The following TRPV1 variants were observed in gnomAD, a reference collection of about 807,000 sequenced individuals.
The protein encoded by TRPV1 is transient receptor potential cation channel subfamily V member 1.
A neutral mutation model predicts 82.3 loss-of-function variants in TRPV1; 82 were observed. The ratio of observed to expected loss-of-function variants is 1.00; its 90% CI spans 0.83 to 1.20. The LOEUF (loss-of-function observed/expected upper bound fraction) is 1.20, where lower values mean the gene tolerates loss of function less well. TRPV1 is among the 50% of genes most tolerant of loss of function. The pLI, the probability that TRPV1 is intolerant of heterozygous loss-of-function variation, is 0.00. For missense variants in TRPV1, 1,067 were observed against 1,096.8 expected (o/e 0.97, Z 0.38); for synonymous variants, 515 against 467.7 (o/e 1.10, Z -1.30).
chr17:3,601,120 C>T (rs1037615784), intron 2 of TRPV1, among the ~76,000 whole-genome samples: 2 of 152,124 alleles, frequency 1.3e-5, no homozygotes, highest in Non-Finnish European at 2.9e-5. Context: ...GCATCAACTT[C>T]CTTCTGGCCA....
intron 7 of TRPV1, among the ~76,000 whole-genome samples, chr17:3,589,293 G>A (rs1035003921): frequency 1.2e-4 from 17 of 145,240 alleles, no homozygotes; most frequent in African/African-American, 4.1e-4. Flanking sequence ...TGCCACCTCC[G>A]CCTCCCAAGT....
intron 2 of TRPV1, among the ~76,000 whole-genome samples, chr17:3,604,407 G>T (rs2150860522): frequency 6.6e-6 from 1 of 152,204 alleles, no homozygotes; most frequent in South Asian, 2.1e-4. Context: ...AGACCAGCCT[G>T]GCCAACATGG....
chr17:3,599,461 C>A (rs1191937364), intron 2 of TRPV1, among the ~76,000 whole-genome samples: 1 of 152,128 alleles, frequency 6.6e-6, no homozygotes, highest in East Asian at 1.9e-4. Flanking sequence ...CCCCTAACGA[C>A]CACCATTCAA....
chr17:3,581,362 C>T (rs896342529), intron 10 of TRPV1, among the ~76,000 whole-genome samples: 3 of 152,090 alleles, frequency 2.0e-5, no homozygotes, highest in African/African-American at 7.2e-5. Flanking sequence ...GAGTCCTGTC[C>T]AAGACACCAC....
At position 3,573,785 on chromosome 17, in the gene TRPV1, T is replaced by C. The variant is rs1310827736; in HGVS notation, c.1951A>G (p.Thr651Ala). 1 of 1,613,790 alleles carries C rather than the reference T, an allele frequency of 6.2e-7. No homozygotes were observed. Among genetic ancestry groups the C allele is most frequent in the African/African-American group, 1.3e-5 (1 of 74,870 alleles). ...FTIGMGDLEF[T>A]ENYDFKAVFI... Reference sequence around the variant, plus strand: ...ACAGCCTTGAAGTCATAGTTCTCAGTGAACTCCAGGTCGCCCATGCCGATG... The same window carrying C: ...ACAGCCTTGAAGTCATAGTTCTCAGCGAACTCCAGGTCGCCCATGCCGATG... Residue 651 changes from threonine to alanine, a missense_variant, in exon 14 of 17, where the codon ACT (threonine) becomes GCT (alanine). Thr to Ala is a moderately conservative substitution (Grantham distance 58). Transcript: ENST00000572705.
intron 11 of TRPV1, among the ~76,000 whole-genome samples, chr17:3,579,005 C>G (rs9902581): frequency 6.6e-5 from 10 of 151,776 alleles, no homozygotes; most frequent in Non-Finnish European, 4.4e-5. Context: ...ACGGGAACAA[C>G]AAACACTTAG....
Position 3,600,273 on chromosome 17 carries a change from A to G in TRPV1, c.-33-7890T>C, listed in dbSNP as rs547960832. On this transcript the variant is annotated intron_variant, in intron 2 of 16. Coordinates refer to ENST00000572705, the MANE Select transcript of TRPV1 (RefSeq NM_080704.4). ...TCCAGAACCATTGCCTTAGCCTCCA[A>G]AGTGATTTCTGCCTCCAATAAAGAC... 4.6e-5 allele frequency among the ~76,000 whole-genome samples: 7 copies of G among 152,284 alleles called. No individual in the cohort carries two copies. In the East Asian group the frequency reaches 1.4e-3, roughly 29 times the overall value.
chr17:3,579,758 G>A (rs1036923508), intron 11 of TRPV1, among the ~76,000 whole-genome samples: 1 of 152,238 alleles, frequency 6.6e-6, no homozygotes, highest in Non-Finnish European at 1.5e-5. Flanking sequence ...TTACAGGCGT[G>A]AGCCACTGCG....
At chr17:3,569,993 G>T (rs554336061) in intron 16 of TRPV1, among the ~76,000 whole-genome samples, 2 of 150,186 alleles carry the variant, frequency 1.3e-5, no homozygotes, top group South Asian at 4.2e-4. Context: ...AGCGGTCAGG[G>T]AGGAGGGGCC....
chr17:3,569,229 C>T lies in TRPV1; in HGVS notation c.2348-2242G>A, dbSNP rs1392700922. On this transcript the variant is annotated intron_variant, in intron 16 of 16. Transcript: ENST00000572705. ...CATGTATACATATGTAACAAACCTGCACGTTGTGCACATGTACCCTAGAAC... is the reference window on the plus strand; with the variant it reads ...CATGTATACATATGTAACAAACCTGTACGTTGTGCACATGTACCCTAGAAC... 2.6e-5 allele frequency among the ~76,000 whole-genome samples: 4 copies of T among 152,150 alleles called. No individual in the cohort carries two copies. The East Asian group carries it at 7.7e-4, about 29-fold the overall frequency.
intron 14 of TRPV1, among the ~76,000 whole-genome samples, chr17:3,572,930 C>A (rs1312257691): frequency 2.9e-5 from 4 of 138,880 alleles, no homozygotes; most frequent in Non-Finnish European, 1.5e-5. Context: ...TTGCAGTCAG[C>A]CAAGATCATG....
chr17:3,592,239 G>T lies in TRPV1; in HGVS notation c.112C>A (p.Pro38Thr), dbSNP rs201561837. Residue 38 changes from proline (P) to threonine (T), a missense_variant, in exon 3 of 17, where the codon CCC becomes ACC. Physicochemically the swap from Pro to Thr is conservative, Grantham distance 38. Transcript: ENST00000572705. ...CGGCTCTTGGCCGTGGAGAGCTGGG[G>T]CTTGGCTGGAGGTGGCCTGGAGTTA... ...DPNSRPPPAK[P>T]QLSTAKSRTR... 135 of 1,610,904 alleles carry T rather than the reference G, an allele frequency of 8.4e-5. 1 individual carries two copies. In the Admixed American group the frequency reaches 1.5e-3, roughly 18 times the overall value.
intron 16 of TRPV1, among the ~76,000 whole-genome samples, chr17:3,570,706 G>A (rs992068227): frequency 1.3e-5 from 2 of 151,920 alleles, no homozygotes; most frequent in Admixed American, 1.3e-4. Context: ...ATTTTTCTCA[G>A]GGTTTTTCTA....
At position 3,565,697 on chromosome 17, in the gene TRPV1, G is replaced by A. The variant is rs2074751914; in HGVS notation, c.*1118C>T. On this transcript the variant is annotated 3_prime_UTR_variant, in exon 17 of 17. Transcript: ENST00000572705. Reference sequence around the variant, plus strand: ...AACAGCTTGATTCTGCCAGAGCTGGGAGTGGGACAGCCTCCCCCATCTTCT... The same window carrying A: ...AACAGCTTGATTCTGCCAGAGCTGGAAGTGGGACAGCCTCCCCCATCTTCT... 6.6e-6 allele frequency: 1 copy of A among 152,284 alleles called. No individual in the cohort carries two copies. Among genetic ancestry groups the A allele is most frequent in the Non-Finnish European group, 1.5e-5 (1 of 68,110 alleles). The allele number at this position is 152,284 out of a possible 1,614,324, so 9.4% of individuals were successfully genotyped here.
In TRPV1 at chr17:3,592,317, C is replaced by G. The variant is rs765629544; in HGVS notation, c.34G>C (p.Ala12Pro). Residue 12 changes from alanine (A) to proline (P), a missense_variant, in exon 3 of 17, where the codon GCT becomes CCT. Transcript: ENST00000572705. ...KKWSSTDLGAAADPLQKDTCP... is the reference protein window; with the variant it reads ...KKWSSTDLGAPADPLQKDTCP... ...GTGTCCTTTTGGAGTGGGTCCGCAGCTGCCCCCAAGTCTGTGCTGCTCCAT... is the reference window on the plus strand; with the variant it reads ...GTGTCCTTTTGGAGTGGGTCCGCAGGTGCCCCCAAGTCTGTGCTGCTCCAT... 5.6e-6 allele frequency: 9 copies of G among 1,598,222 alleles called. No homozygotes were observed. Among genetic ancestry groups the G allele is most frequent in the Admixed American group, 3.5e-5 (2 of 57,306 alleles).
chr17:3,580,570 T>C, intron 10 of TRPV1, 43 bp from the exon 11 acceptor site: 1 of 1,600,658 alleles, frequency 6.2e-7, no homozygotes, highest in South Asian at 1.1e-5. Context: ...CAATGCTCGA[T>C]GTGGCTAAAT....
At chr17:3,567,369 CAAAAAAAAAA>C (rs56391405) in intron 16 of TRPV1, among the ~76,000 whole-genome samples, 2 of 52,800 alleles carry the variant, frequency 3.8e-5, no homozygotes, top group Non-Finnish European at 3.6e-5. Context: ...AACTCCGTCT[CAAAAAAAAAA>C]AAAAAAAAAA....
At chr17:3,608,664 T>C (rs1597562577) in intron 1 of TRPV1, 99 bp from the exon 2 acceptor site, 2 of 152,110 alleles carry the variant, frequency 1.3e-5, no homozygotes, top group South Asian at 2.1e-4. Context: ...ACTGAACCCA[T>C]GGAAAGTGAC....
chr17:3,580,624 G>A, intron 10 of TRPV1, 97 bp from the exon 11 acceptor site: 1 of 1,275,684 alleles, frequency 7.8e-7, no homozygotes, highest in Non-Finnish European at 1.1e-6. Context: ...TGATGGGGTG[G>A]TCGAATGTGT....
Sources: gnomAD v4.1 joint callset for allele counts (sites outside exome capture counted in the v4.1 genomes callset) on GRCh38, gnomAD v4.1.1 for gene constraint, MANE v1.5 for transcripts, NCBI Gene and HGNC (gene_info 2026-07-23, HGNC 2026-07-21) for gene names.